The following LRP1B variants were observed in gnomAD, a reference collection of about 807,000 sequenced individuals.
The protein encoded by LRP1B is low-density lipoprotein receptor-related protein 1B.
In LRP1B, 217 loss-of-function variants were observed where a neutral mutation model predicts 556.6. The ratio of observed to expected loss-of-function variants is 0.39; its 90% CI spans 0.35 to 0.44. The LOEUF (loss-of-function observed/expected upper bound fraction) is 0.44. Ranked by LOEUF, LRP1B falls within the 20% of genes least tolerant of loss-of-function variation. The pLI is 1.00. For missense variants in LRP1B, 5,053 were observed against 5,620.8 expected, an observed-to-expected ratio of 0.90 and a Z score of 3.23; for synonymous variants, 2,047 against 1,865.8, an observed-to-expected ratio of 1.10 and a Z score of -2.50.
chr2:141,011,417 T>C (rs558868834), intron 14 of LRP1B, among the ~76,000 whole-genome samples: 1 of 152,160 alleles, frequency 6.6e-6, no homozygotes, highest in South Asian at 2.1e-4. Flanking sequence ...TAGTAAAAGA[T>C]ACTAAAAATT....
intron 43 of LRP1B, among the ~76,000 whole-genome samples, chr2:140,575,451 G>T (rs188974499): frequency 2.0e-4 from 31 of 152,180 alleles, no homozygotes; most frequent in African/African-American, 6.7e-4. Flanking sequence ...TTCATGTAAG[G>T]TATGTTTTCC....
At chr2:140,996,212 G>A (rs34432319) in intron 15 of LRP1B, among the ~76,000 whole-genome samples, 52,336 of 151,788 alleles carry the variant, frequency 0.34, 9,415 homozygotes, top group East Asian at 0.58. Context: ...CAAGGCGTAA[G>A]GCATCATTAA....
At chr2:141,016,814 T>C (rs1249136201) in intron 12 of LRP1B, among the ~76,000 whole-genome samples, 1 of 152,042 alleles carries the variant, frequency 6.6e-6, no homozygotes, top group Admixed American at 6.6e-5. Flanking sequence ...AAGTCTCAAA[T>C]CTTTGCTAAG....
intron 2 of LRP1B, among the ~76,000 whole-genome samples, chr2:141,584,523 G>A (rs1176848251): frequency 6.6e-6 from 1 of 152,112 alleles, no homozygotes; most frequent in Non-Finnish European, 1.5e-5. Flanking sequence ...GGAAATGTCT[G>A]TCAAATATTT....
intron 3 of LRP1B, among the ~76,000 whole-genome samples, chr2:141,281,694 G>T (rs944747848): frequency 1.3e-5 from 2 of 151,706 alleles, no homozygotes. Context: ...AATATTCTAT[G>T]CCATAACACA....
chr2:140,252,371 T>C (rs1365080409), intron 86 of LRP1B, among the ~76,000 whole-genome samples: 1 of 151,968 alleles, frequency 6.6e-6, no homozygotes, highest in Non-Finnish European at 1.5e-5. Flanking sequence ...GATCCTAGTA[T>C]AGGTACTTTC....
chr2:141,019,586 C>G (rs1698006971), intron 12 of LRP1B, among the ~76,000 whole-genome samples: 1 of 151,534 alleles, frequency 6.6e-6, no homozygotes, highest in African/African-American at 2.4e-5. Flanking sequence ...ATTTCAATAG[C>G]CTTTAAAATA....
intron 1 of LRP1B, among the ~76,000 whole-genome samples, chr2:141,908,169 T>A (rs1030465358): frequency 5.3e-5 from 8 of 152,078 alleles, no homozygotes; most frequent in Non-Finnish European, 1.0e-4. Context: ...AAATAAGTTT[T>A]CAATTTTGAT....
At position 140,322,091 on chromosome 2, in the gene LRP1B, G is replaced by A. The variant is rs2105053727; in HGVS notation, c.12515-3C>T. On this transcript the variant is annotated splice_polypyrimidine_tract_variant and splice_region_variant and intron_variant, in intron 81 of 90. Transcript: ENST00000389484. Reference sequence around the variant, plus strand: ...TAAATCCAAGCATGGATTGGGTACTGGTGAAACAAAAGAAAACAAAGAAGT... The same window carrying A: ...TAAATCCAAGCATGGATTGGGTACTAGTGAAACAAAAGAAAACAAAGAAGT... 1 of 1,609,766 alleles carries A rather than the reference G, an allele frequency of 6.2e-7. No homozygotes were observed. Among genetic ancestry groups the A allele is most frequent in the South Asian group, 1.1e-5 (1 of 90,424 alleles).
At chr2:140,320,621 A>T (rs990414587) in intron 82 of LRP1B, among the ~76,000 whole-genome samples, 1 of 151,664 alleles carries the variant, frequency 6.6e-6, no homozygotes, top group Non-Finnish European at 1.5e-5. Context: ...GAGAATGGGT[A>T]CTTGCTATGT....
chr2:140,727,077 A>G (rs554972061), intron 35 of LRP1B, among the ~76,000 whole-genome samples: 6 of 152,178 alleles, frequency 3.9e-5, no homozygotes, highest in African/African-American at 1.2e-4. Flanking sequence ...ATCTTTAAAA[A>G]ATTTTTATCT....
chr2:140,324,717 A>C (rs2105061380), intron 80 of LRP1B, among the ~76,000 whole-genome samples: 1 of 152,118 alleles, frequency 6.6e-6, no homozygotes, highest in Middle Eastern at 3.4e-3. Flanking sequence ...TTTATAACAA[A>C]ACGACATTTA....
intron 45 of LRP1B, among the ~76,000 whole-genome samples, chr2:140,540,185 G>A (rs570317024): frequency 2.0e-5 from 3 of 152,080 alleles, no homozygotes; most frequent in East Asian, 3.9e-4. Flanking sequence ...TATGAGATGA[G>A]GATATATTAA....
chr2:141,570,822 C>A (rs1488825724), intron 2 of LRP1B, among the ~76,000 whole-genome samples: 1 of 151,324 alleles, frequency 6.6e-6, no homozygotes, highest in Non-Finnish European at 1.5e-5. Context: ...CTGACCCGGA[C>A]CCATCCTTCC....
chr2:140,965,329 T>C (rs556689427), intron 18 of LRP1B, among the ~76,000 whole-genome samples: 69 of 151,290 alleles, frequency 4.6e-4, no homozygotes, highest in African/African-American at 1.6e-3. Flanking sequence ...CTTTGCTTTT[T>C]GTTATTTTAA....
rs1399287331 is a variant in LRP1B, at chr2:140,442,635, A to C, written c.10295-12T>G. 5.0e-6 allele frequency: 8 copies of C among 1,611,744 alleles called. No homozygotes were observed. The highest frequency in any genetic ancestry group is 2.7e-5 in the African/African-American group (2 of 74,804). On this transcript the variant is annotated splice_polypyrimidine_tract_variant and intron_variant, in intron 65 of 90. Coordinates refer to ENST00000389484, the MANE Select transcript of LRP1B (RefSeq NM_018557.3). ...ACAGCTGTTTTCAGCTTAGAAAGAA[A>C]ACTGCCATTAAAATGTAGCTTTGGA...
intron 65 of LRP1B, 44 bp downstream of exon 65, chr2:140,444,286 G>C: frequency 6.2e-7 from 1 of 1,606,740 alleles, no homozygotes; most frequent in Non-Finnish European, 8.5e-7. Flanking sequence ...ACTTATTTTA[G>C]GAGTCAAAGT....
chr2:140,700,653 T>C, intron 40 of LRP1B, 32 bp from the exon 41 acceptor site: 1 of 1,586,758 alleles, frequency 6.3e-7, no homozygotes, highest in Non-Finnish European at 8.5e-7. Context: ...CACATGCACA[T>C]GTTTATGTTT....
chr2:141,944,954 A>G (rs1364603346), intron 1 of LRP1B, among the ~76,000 whole-genome samples: 1 of 152,102 alleles, frequency 6.6e-6, no homozygotes, highest in African/African-American at 2.4e-5. Flanking sequence ...AATCTTTGAA[A>G]AATATGTTTT....
Sources: allele counts gnomAD v4.1 joint callset (sites outside exome capture counted in the v4.1 genomes callset), GRCh38; gene constraint gnomAD v4.1.1; transcripts MANE v1.5; gene names NCBI Gene and HGNC (gene_info 2026-07-23, HGNC 2026-07-21).